LMX1B: variants seen among roughly 807,000 people sequenced by gnomAD.
LMX1B encodes the protein LIM homeobox transcription factor 1-beta.
Under a neutral mutation model 51.4 loss-of-function variants are expected in LMX1B, and 12 were observed. The observed-to-expected ratio is 0.23, with a 90% CI of 0.15 to 0.38. The LOEUF (loss-of-function observed/expected upper bound fraction) is 0.38. Ranked by LOEUF, LMX1B falls within the 10% of genes least tolerant of loss-of-function variation. The pLI, the probability that LMX1B is intolerant of heterozygous loss-of-function variation, is 1.00. For synonymous variants in LMX1B, 237 were observed against 235.4 expected (o/e 1.01, Z -0.06); for missense variants, 445 against 571.1 (o/e 0.78, Z 2.25).
In LMX1B at chr9:126,699,096, C is replaced by G. The variant is rs866974759; in HGVS notation, c.*2645C>G. ...GTGCCAGGGACATCCTGGGCAGATT[C>G]AGGGGCAGATGCCCTATCCCCCAGG... is the stretch of plus-strand genomic sequence containing the variant. On this transcript the variant is annotated 3_prime_UTR_variant, in exon 8 of 8. Transcript: ENST00000373474. 1 of 152,268 alleles carries G rather than the reference C, an allele frequency of 6.6e-6. No individual in the cohort carries two copies. The highest frequency in any genetic ancestry group is 1.5e-5 in the Non-Finnish European group (1 of 68,066). 9.4% of individuals were successfully genotyped at this position (152,268 alleles called of 1,614,324 possible).
At chr9:126,687,657 C>T (rs949180847) in intron 2 of LMX1B, among the ~76,000 whole-genome samples, 12 of 152,218 alleles carry the variant, frequency 7.9e-5, no homozygotes, top group Admixed American at 5.9e-4. Flanking sequence ...TGACAACTCG[C>T]TACATCTTCA....
chr9:126,631,831 C>G (rs907787434), intron 2 of LMX1B, among the ~76,000 whole-genome samples: 1 of 152,168 alleles, frequency 6.6e-6, no homozygotes, highest in Non-Finnish European at 1.5e-5. Context: ...ACCCCTGCCT[C>G]CGGGTAAGGA....
In LMX1B at chr9:126,693,202, A is replaced by T; in HGVS notation, c.620A>T (p.Lys207Met). 1 of 1,607,656 alleles carries T rather than the reference A, an allele frequency of 6.2e-7. No homozygotes were observed. Among genetic ancestry groups the T allele is most frequent in the Non-Finnish European group, 8.5e-7 (1 of 1,177,498 alleles). Residue 207 changes from lysine to methionine, a missense_variant, in exon 4 of 8, where the codon AAG becomes ATG. Lys to Met is a moderately conservative substitution (Grantham distance 95, BLOSUM62 -1). This residue lies in a region of LMX1B where 273 missense variants were observed against 343.3 expected (regional missense o/e 0.80). Coordinates refer to ENST00000373474, the MANE Select transcript of LMX1B (RefSeq NM_001174147.2). ...KPAKGQGSQS[K>M]GSGDDGKDPR... ...GCCAAGGGGCAGGGCAGTCAGAGCAAGGGCAGCGGGGATGACGGGAAGGAC... is the reference window on the plus strand; with the variant it reads ...GCCAAGGGGCAGGGCAGTCAGAGCATGGGCAGCGGGGATGACGGGAAGGAC...
At chr9:126,650,812 G>T (rs1160401610) in intron 2 of LMX1B, among the ~76,000 whole-genome samples, 1 of 152,244 alleles carries the variant, frequency 6.6e-6, no homozygotes. Flanking sequence ...GGCAGGCAGG[G>T]AAACTGCTCG....
At chr9:126,643,535 C>G (rs1441591637) in intron 2 of LMX1B, among the ~76,000 whole-genome samples, 1 of 152,132 alleles carries the variant, frequency 6.6e-6, no homozygotes, top group Non-Finnish European at 1.5e-5. Flanking sequence ...TAGTGATATC[C>G]TGTTTGTCCC....
In LMX1B at chr9:126,625,442, C is replaced by T. The variant is rs999875031; in HGVS notation, c.326+9873C>T. ...CCTCTTCCCAGGAAAGGTGGCACTCCGGGTGCACACCCACCACCCCCATTA... is the reference window on the plus strand; with the variant it reads ...CCTCTTCCCAGGAAAGGTGGCACTCTGGGTGCACACCCACCACCCCCATTA... On this transcript the variant is annotated intron_variant, in intron 2 of 7. Transcript: ENST00000373474. The surrounding 1 kb of genome is among the most constrained non-coding windows in gnomAD (Gnocchi z 5.3). 1.3e-5 allele frequency among the ~76,000 whole-genome samples: 2 copies of T among 152,210 alleles called. No homozygotes were observed. Among genetic ancestry groups the T allele is most frequent in the African/African-American group, 4.8e-5 (2 of 41,450 alleles).
Position 126,614,140 on chromosome 9 carries a change from C to A in LMX1B, c.-310C>A, listed in dbSNP as rs1184914664. On this transcript the variant is annotated 5_prime_UTR_variant, in exon 1 of 8. Transcript: ENST00000373474. ...GCCACCGCCGCCGCCGCCTCCTCCCCGCGGCTCCGTCTGCAGCAGCCGCCG... is the reference window on the plus strand; with the variant it reads ...GCCACCGCCGCCGCCGCCTCCTCCCAGCGGCTCCGTCTGCAGCAGCCGCCG... 6.9e-6 allele frequency among the ~76,000 whole-genome samples: 1 copy of A among 144,338 alleles called. No homozygotes were observed. Among genetic ancestry groups the A allele is most frequent in the Non-Finnish European group, 1.5e-5 (1 of 65,130 alleles). The allele number at this position is 144,338 out of a possible 152,430, so 94.7% of individuals were successfully genotyped here. A position where few individuals can be genotyped will look rare whatever the true frequency, so the allele number is the denominator to read the frequency against.
intron 2 of LMX1B, among the ~76,000 whole-genome samples, chr9:126,664,907 A>G (rs1354047885): frequency 6.6e-6 from 1 of 152,200 alleles, no homozygotes; most frequent in Non-Finnish European, 1.5e-5. Context: ...TTGTGCAAGT[A>G]TTTCCTGACC....
chr9:126,614,495 C>T lies in LMX1B; in HGVS notation c.46C>T (p.Arg16Cys). 1 of 1,604,884 alleles carries T rather than the reference C, an allele frequency of 6.2e-7. No individual in the cohort carries two copies. Among genetic ancestry groups the T allele is most frequent in the Non-Finnish European group, 8.5e-7 (1 of 1,176,586 alleles). ...CGAGTCGCTGGAGAGGTGCTTCCCT[C>T]GCGGGCAGACGGACTGCGCCAAGAT... ...GPESLERCFP[R>C]GQTDCAKMLD... Residue 16 changes from arginine to cysteine, a missense_variant, in exon 1 of 8, where the codon CGC (arginine) becomes TGC (cysteine). By Grantham distance (180) the Arg-to-Cys change is radical. Coordinates refer to ENST00000373474, the MANE Select transcript of LMX1B (RefSeq NM_001174147.2).
rs2030322693 is a variant in LMX1B, at chr9:126,696,127, C to T, written c.1051+124C>T. The T allele has an allele frequency of 4.3e-6, 5 of 1,163,272 alleles. No individual in the cohort carries two copies. In the Admixed American group the frequency reaches 7.6e-5, roughly 18 times the overall value. 72.1% of individuals were successfully genotyped at this position (1,163,272 alleles called of 1,614,324 possible). ...GCTCAGGCAGCATGGCCAGCACAGC[C>T]CTCCTGCCCCTGCTGACAGGAAGGG... is the stretch of plus-strand genomic sequence containing the variant. On this transcript the variant is annotated intron_variant, in intron 7 of 7. Coordinates refer to ENST00000373474, the MANE Select transcript of LMX1B (RefSeq NM_001174147.2).
chr9:126,647,452 C>T (rs2118894915), intron 2 of LMX1B, among the ~76,000 whole-genome samples: 1 of 152,306 alleles, frequency 6.6e-6, no homozygotes, highest in South Asian at 2.1e-4. Context: ...CTTGCCCGTT[C>T]CTTTCACCTT....
At chr9:126,638,778 C>T (rs1481830522) in intron 2 of LMX1B, among the ~76,000 whole-genome samples, 4 of 152,120 alleles carry the variant, frequency 2.6e-5, no homozygotes, top group Non-Finnish European at 4.4e-5. Context: ...CACGGGCCGG[C>T]GGCGCGGGCG....
intron 3 of LMX1B, among the ~76,000 whole-genome samples, chr9:126,692,422 G>T (rs914944502): frequency 6.6e-6 from 1 of 152,254 alleles, no homozygotes; most frequent in Admixed American, 6.5e-5. Context: ...AACCTGGGGC[G>T]GGGAAGTGCC....
intron 2 of LMX1B, among the ~76,000 whole-genome samples, chr9:126,622,565 G>A (rs1473875427): frequency 2.0e-5 from 3 of 152,220 alleles, no homozygotes; most frequent in Non-Finnish European, 4.4e-5. Context: ...GCACTGGGTT[G>A]GGATGGGACA....
Position 126,672,651 on chromosome 9 carries a change from T to C in LMX1B, c.327-18185T>C, listed in dbSNP as rs774687364. Among the ~76,000 whole-genome samples the C allele has an allele frequency of 7.2e-5, 11 of 152,232 alleles. 1 individual carries two copies. In the East Asian group the frequency reaches 7.7e-4, roughly 11 times the overall value. ...TTTACAATCCGTTACTTGAGGGATG[T>C]CCTGCCTCCCTCTCGCCCCATTCAG... On this transcript the variant is annotated intron_variant, in intron 2 of 7. Coordinates refer to ENST00000373474, the MANE Select transcript of LMX1B (RefSeq NM_001174147.2).
Position 126,677,107 on chromosome 9 carries a change from G to A in LMX1B, c.327-13729G>A, listed in dbSNP as rs1476693848. ...GCGGGCTGCGTGCCCTGCCTGTCCC[G>A]AAGGCCGAGCCCTGACCTGCCTCGC... On this transcript the variant is annotated intron_variant, in intron 2 of 7. Coordinates refer to ENST00000373474, the MANE Select transcript of LMX1B (RefSeq NM_001174147.2). The surrounding 1 kb of genome is among the most constrained non-coding windows in gnomAD (Gnocchi z 5.0). Among the ~76,000 whole-genome samples the A allele has an allele frequency of 6.6e-6, 1 of 152,144 alleles. No individual in the cohort carries two copies. The highest frequency in any genetic ancestry group is 2.4e-5 in the African/African-American group (1 of 41,436).
Position 126,671,813 on chromosome 9 carries a change from C to G in LMX1B, c.327-19023C>G, listed in dbSNP as rs996099344. Among the ~76,000 whole-genome samples, 12 of 152,174 alleles carry G rather than the reference C, an allele frequency of 7.9e-5. No individual in the cohort carries two copies. The highest frequency in any genetic ancestry group is 3.9e-4 in the Admixed American group (6 of 15,288). On this transcript the variant is annotated intron_variant, in intron 2 of 7. Transcript: ENST00000373474. This position sits in a 1 kb window ranked among gnomAD's most constrained non-coding sequence, Gnocchi z 4.4. ...CCTCCAGGCCAGGGCAGCGGCCCCC[C>G]ACAGCCCAGGCCCCCAGCGGCCCAG...
In LMX1B at chr9:126,696,489, G is replaced by A. The variant is rs201442685; in HGVS notation, c.*38G>A. ...CGCACGGACGCTTGGGCAGGGGCCTGGGGGGGACTGCCAGCCTCTGCGGCC... is the reference window on the plus strand; with the variant it reads ...CGCACGGACGCTTGGGCAGGGGCCTAGGGGGGACTGCCAGCCTCTGCGGCC... On this transcript the variant is annotated 3_prime_UTR_variant, in exon 8 of 8. Coordinates refer to ENST00000373474, the MANE Select transcript of LMX1B (RefSeq NM_001174147.2). 3.4e-4 allele frequency: 550 copies of A among 1,606,696 alleles called. 10 individuals are homozygous for A. In the South Asian group the frequency reaches 5.8e-3, roughly 17 times the overall value.
At chr9:126,634,648 T>G (rs911831076) in intron 2 of LMX1B, among the ~76,000 whole-genome samples, 1 of 152,190 alleles carries the variant, frequency 6.6e-6, no homozygotes, top group Non-Finnish European at 1.5e-5. Flanking sequence ...TTGAGTCCTT[T>G]GACCTCTCTG....
Sources: gnomAD v4.1 joint callset for allele counts (sites outside exome capture counted in the v4.1 genomes callset) on GRCh38, gnomAD v4.1.1 for gene constraint, gnomAD v4.1.1 regional missense constraint, Gnocchi (gnomAD v3.1) non-coding constraint, MANE v1.5 for transcripts, NCBI Gene and HGNC (gene_info 2026-07-23, HGNC 2026-07-21) for gene names.